The following CLASRP variants were observed in gnomAD, a reference collection of about 807,000 sequenced individuals.
The protein encoded by CLASRP is CLK4-associating serine/arginine rich protein.
In CLASRP, 52 loss-of-function variants were observed where a neutral mutation model predicts 99.9. The observed-to-expected ratio is 0.52, with a 90% CI of 0.42 to 0.66. CLASRP has a LOEUF of 0.66. Among genes scored for constraint, CLASRP ranks in the 30% least tolerant of loss-of-function variants. The probability of loss-of-function intolerance (pLI) is 0.00; values close to 1 mark genes in which losing one functional copy is unlikely to be tolerated. For missense variants in CLASRP, 848 were observed against 999.2 expected (o/e 0.85, Z 2.04); for synonymous variants, 379 against 373.0 (o/e 1.02, Z -0.18).
In CLASRP at chr19:45,064,217, G is replaced by A. The variant is rs1422095784; in HGVS notation, c.1111G>A (p.Ala371Thr). 1.3e-6 allele frequency: 2 copies of A among 1,593,772 alleles called. No homozygotes were observed. Among genetic ancestry groups the A allele is most frequent in the Non-Finnish European group, 1.7e-6 (2 of 1,171,562 alleles). Residue 371 changes from alanine to threonine, a missense_variant, in exon 12 of 21, where the codon GCC becomes ACC. Around this residue, in one of 8 missense-constraint regions of CLASRP, gnomAD observed 489 missense variants for 434.7 expected, o/e 1.12. Coordinates refer to ENST00000221455, the MANE Select transcript of CLASRP (RefSeq NM_007056.3). ...TGGCGGCCCCGCCCCGGGACGTAAT[G>A]CCAGCGCCCGGTCGGTAACGCTCAC... is the stretch of plus-strand genomic sequence containing the variant. Reference protein sequence around the residue: ...QPGGPAPGRNASARRRSSSSS... With the variant: ...QPGGPAPGRNTSARRRSSSSS...
At chr19:45,046,966 G>A (rs1971928809) in intron 2 of CLASRP, among the ~76,000 whole-genome samples, 1 of 152,170 alleles carries the variant, frequency 6.6e-6, no homozygotes, top group Non-Finnish European at 1.5e-5. Context: ...GGCAGAGATT[G>A]TGGTTAGCCT....
intron 2 of CLASRP, among the ~76,000 whole-genome samples, chr19:45,050,317 A>G (rs934485121): frequency 6.6e-6 from 1 of 152,206 alleles, no homozygotes; most frequent in African/African-American, 2.4e-5. Context: ...ATTAGCCATC[A>G]GGGAAATGCC....
At chr19:45,054,476 C>G (rs1406810668) in intron 5 of CLASRP, among the ~76,000 whole-genome samples, 1 of 152,134 alleles carries the variant, frequency 6.6e-6, no homozygotes, top group African/African-American at 2.4e-5. Flanking sequence ...GTCTTGAACT[C>G]CTGACCTCGT....
chr19:45,057,438 T>C (rs1407128034), intron 6 of CLASRP, among the ~76,000 whole-genome samples: 2 of 152,206 alleles, frequency 1.3e-5, no homozygotes, highest in East Asian at 3.9e-4. Context: ...GCTGTGCCCT[T>C]GTGGGACTCA....
chr19:45,040,412 G>A (rs1971789589), intron 2 of CLASRP, 101 bp downstream of exon 2: 1 of 750,178 alleles, frequency 1.3e-6, no homozygotes, highest in Non-Finnish European at 2.3e-6. Context: ...CAAGACAAGA[G>A]GCTCATTTCC....
chr19:45,067,508 C>A lies in CLASRP; in HGVS notation c.1581C>A (p.Ser527Arg). The A allele has an allele frequency of 6.3e-7, 1 of 1,593,902 alleles. No individual in the cohort carries two copies. Among genetic ancestry groups the A allele is most frequent in the Non-Finnish European group, 8.5e-7 (1 of 1,174,666 alleles). ...SPSQSRSRSR[S>R]RSQSPSPSPA... ...GCCAGAGCCGCAGCCGCAGCCGCAG[C>A]CGCAGCCAGAGCCCCTCGCCATCAC... Residue 527 changes from serine to arginine, a missense_variant, in exon 14 of 21, where the codon AGC becomes AGA. Ser to Arg is a moderately radical substitution (Grantham distance 110, BLOSUM62 -1). Coordinates refer to ENST00000221455, the MANE Select transcript of CLASRP (RefSeq NM_007056.3). This position sits in a 1 kb window ranked among gnomAD's most constrained non-coding sequence, Gnocchi z 4.9.
rs534633961 is a variant in CLASRP at position 45,039,382 on chromosome 19, C to T, written c.-30+274C>T. ...AAAAAAAAAAACAACAAAAAAAAAA[C>T]CCAGCCCAAATCCTCAGGCCGCGAC... On this transcript the variant is annotated intron_variant, in intron 1 of 20. Transcript: ENST00000221455. 2.0e-5 allele frequency: 3 copies of T among 151,682 alleles called. No individual in the cohort carries two copies. The East Asian group carries it at 5.8e-4, about 29-fold the overall frequency. 9.4% of individuals were successfully genotyped at this position (151,682 alleles called of 1,614,324 possible). A position where few individuals can be genotyped will look rare whatever the true frequency, so the allele number is the denominator to read the frequency against.
Position 45,064,054 on chromosome 19 carries a change from C to G in CLASRP, c.948C>G (p.Arg316=). 1 of 1,612,674 alleles carries G rather than the reference C, an allele frequency of 6.2e-7. No homozygotes were observed. Among genetic ancestry groups the G allele is most frequent in the Non-Finnish European group, 8.5e-7 (1 of 1,179,820 alleles). Residue 316 remains arginine, a synonymous_variant, in exon 12 of 21, where the codon CGC becomes CGG. Transcript: ENST00000221455. ...ESSSESRSRS[R]SPTPGREEKI... ...GCTCAGAGTCCCGCTCCCGCTCCCG[C>G]TCCCCGACCCCGGGCCGCGAGGAGA...
At position 45,064,540 on chromosome 19, in the gene CLASRP, G is replaced by T. The variant is rs973618192; in HGVS notation, c.1319G>T (p.Arg440Leu). 2.6e-6 allele frequency: 4 copies of T among 1,538,072 alleles called. No individual in the cohort carries two copies. Among genetic ancestry groups the T allele is most frequent in the Admixed American group, 2.0e-5 (1 of 50,926 alleles). The change falls in exon 13 of 21, where the codon CGG becomes CTG. Residue 440 changes from arginine (R) to leucine (L), a missense_variant. This residue lies in a region of CLASRP where 489 missense variants were observed against 434.7 expected (regional missense o/e 1.12). Transcript: ENST00000221455. Reference protein sequence around the residue: ...RRYSRSRSRGRRHSGGGSRDG... With the variant: ...RRYSRSRSRGLRHSGGGSRDG... ...TATTCCCGGTCCCGTAGCCGTGGCC[G>T]GCGGCACTCAGGTGGGGGCTCCCGA...
rs1028667077 is a variant in CLASRP, at chr19:45,060,069, C to T, written c.711-320C>T. 7.9e-5 allele frequency among the ~76,000 whole-genome samples: 12 copies of T among 152,200 alleles called. No individual in the cohort carries two copies. Among genetic ancestry groups the T allele is most frequent in the African/African-American group, 2.9e-4 (12 of 41,458 alleles). ...TTTGTGTGGCTTCCCTGAGCTCCCT[C>T]TTGAAAACTGCAGCTTCCTCTGCCT... On this transcript the variant is annotated intron_variant, in intron 8 of 20. Coordinates refer to ENST00000221455, the MANE Select transcript of CLASRP (RefSeq NM_007056.3). This position sits in a 1 kb window ranked among gnomAD's most constrained non-coding sequence, Gnocchi z 4.6.
At chr19:45,065,896 C>G (rs1308852763) in intron 13 of CLASRP, among the ~76,000 whole-genome samples, 1 of 152,150 alleles carries the variant, frequency 6.6e-6, no homozygotes, top group Non-Finnish European at 1.5e-5. Context: ...CCGTTAATAT[C>G]GTCAGCATCA....
intron 18 of CLASRP, 131 bp from the exon 19 acceptor site, chr19:45,069,891 C>A: frequency 3.3e-6 from 2 of 607,006 alleles, no homozygotes; most frequent in South Asian, 2.0e-5. Context: ...CCTTTCCAAG[C>A]GGGGATTGGT....
intron 2 of CLASRP, among the ~76,000 whole-genome samples, chr19:45,043,446 C>T (rs1210686667): frequency 2.7e-5 from 4 of 148,708 alleles, no homozygotes; most frequent in African/African-American, 9.9e-5. Context: ...TTTTTCCATT[C>T]ATACGTATAT....
chr19:45,064,539 C>A lies in CLASRP; in HGVS notation c.1318C>A (p.Arg440=), dbSNP rs1229193420. Residue 440 remains arginine (R), a synonymous_variant, in exon 13 of 21, where the codon CGG becomes AGG. Transcript: ENST00000221455. ...RRYSRSRSRG[R]RHSGGGSRDG... ...CTATTCCCGGTCCCGTAGCCGTGGC[C>A]GGCGGCACTCAGGTGGGGGCTCCCG... 2 of 1,538,050 alleles carry A rather than the reference C, an allele frequency of 1.3e-6. No individual in the cohort carries two copies. The highest frequency in any genetic ancestry group is 2.0e-5 in the Admixed American group (1 of 50,932).
Position 45,044,146 on chromosome 19 carries a change from C to T in CLASRP, c.99+3835C>T, listed in dbSNP as rs1233132105. Reference sequence around the variant, plus strand: ...ATCCGCCTGCCTTGGCTTCCCAAAGCGCTGGGATTATAGGCGTGAGCCACC... The same window carrying T: ...ATCCGCCTGCCTTGGCTTCCCAAAGTGCTGGGATTATAGGCGTGAGCCACC... On this transcript the variant is annotated intron_variant, in intron 2 of 20. Coordinates refer to ENST00000221455, the MANE Select transcript of CLASRP (RefSeq NM_007056.3). Among the ~76,000 whole-genome samples the T allele has an allele frequency of 5.9e-5, 9 of 152,294 alleles. No individual in the cohort carries two copies. The South Asian group carries it at 6.2e-4, about 11-fold the overall frequency.
intron 13 of CLASRP, among the ~76,000 whole-genome samples, chr19:45,065,448 C>A (rs986164740): frequency 6.6e-6 from 1 of 151,230 alleles, no homozygotes; most frequent in African/African-American, 2.4e-5. Context: ...GTAGTCCCAG[C>A]TATGCAGGAG....
chr19:45,057,682 T>C (rs1454623841), intron 6 of CLASRP, 68 bp from the exon 7 acceptor site: 48 of 1,583,982 alleles, frequency 3.0e-5, no homozygotes, highest in Non-Finnish European at 4.0e-5. Context: ...GAGACTGGTG[T>C]GTGGGGCTAG....
intron 2 of CLASRP, among the ~76,000 whole-genome samples, chr19:45,042,762 A>G (rs1447934013): frequency 3.9e-5 from 6 of 151,956 alleles, no homozygotes; most frequent in African/African-American, 1.5e-4. Context: ...AATTACAGGC[A>G]TGTGCCACTA....
chr19:45,053,402 A>G (rs1208999079), intron 5 of CLASRP, among the ~76,000 whole-genome samples: 3 of 152,208 alleles, frequency 2.0e-5, no homozygotes, highest in East Asian at 1.9e-4. Flanking sequence ...AGTCACGTCC[A>G]TATACCATGC....
Sources: gnomAD v4.1 joint callset for allele counts (sites outside exome capture counted in the v4.1 genomes callset) on GRCh38, gnomAD v4.1.1 for gene constraint, gnomAD v4.1.1 regional missense constraint, Gnocchi (gnomAD v3.1) non-coding constraint, MANE v1.5 for transcripts, NCBI Gene and HGNC (gene_info 2026-07-23, HGNC 2026-07-21) for gene names.